The following THSD4 variants were observed in gnomAD, a reference collection of about 807,000 sequenced individuals.
THSD4 encodes the protein thrombospondin type 1 domain containing 4.
Under a neutral mutation model 119.0 loss-of-function variants are expected in THSD4, and 69 were observed. That is an observed-to-expected ratio of 0.58 (90% CI 0.48 to 0.71). The LOEUF is 0.71. Among genes scored for constraint, THSD4 ranks in the 30% least tolerant of loss-of-function variants. THSD4 has a pLI of 0.00. For missense variants in THSD4, 1,393 were observed against 1,391.1 expected (o/e 1.00, Z -0.02); for synonymous variants, 524 against 540.4 (o/e 0.97, Z 0.42).
chr15:71,771,041 GT>G, intron 16 of THSD4, 22 bp from the exon 17 acceptor site: 1 of 1,610,198 alleles, frequency 6.2e-7, no homozygotes, highest in African/African-American at 1.3e-5. Context: ...AAAATCTGAT[GT>G]TTTCCCTTTG....
intron 1 of THSD4, among the ~76,000 whole-genome samples, chr15:71,103,404 A>G (rs534203706): frequency 1.3e-5 from 2 of 152,168 alleles, no homozygotes; most frequent in East Asian, 3.9e-4. Context: ...TGAGCCCAGG[A>G]GCTAAAACAT....
At chr15:71,741,617 G>A (rs1162241406) in intron 11 of THSD4, among the ~76,000 whole-genome samples, 3 of 152,014 alleles carry the variant, frequency 2.0e-5, no homozygotes, top group Non-Finnish European at 4.4e-5. Context: ...AAGAGTGTGA[G>A]GTATGGGACT....
chr15:71,292,119 G>A (rs922039569), intron 6 of THSD4, among the ~76,000 whole-genome samples: 2 of 152,224 alleles, frequency 1.3e-5, no homozygotes, highest in African/African-American at 4.8e-5. Context: ...GTTTCTTAGA[G>A]TTCTGAAGGT....
At chr15:71,370,064 T>G (rs2046022555) in intron 6 of THSD4, among the ~76,000 whole-genome samples, 1 of 151,942 alleles carries the variant, frequency 6.6e-6, no homozygotes, top group Non-Finnish European at 1.5e-5. Context: ...CTAGTTTTTT[T>G]GTGTAGAGGT....
intron 6 of THSD4, among the ~76,000 whole-genome samples, chr15:71,361,398 C>A (rs1329452513): frequency 6.6e-6 from 1 of 152,182 alleles, no homozygotes; most frequent in Non-Finnish European, 1.5e-5. Context: ...CAAATACACA[C>A]AACTGAACTG....
At chr15:71,652,163 A>G (rs141116343) in intron 7 of THSD4, among the ~76,000 whole-genome samples, 5 of 152,262 alleles carry the variant, frequency 3.3e-5, no homozygotes, top group Non-Finnish European at 7.4e-5. Flanking sequence ...GGGTGTAGGC[A>G]GTGTCTCTCT....
At chr15:71,321,576 A>G (rs2045269457) in intron 6 of THSD4, among the ~76,000 whole-genome samples, 2 of 152,186 alleles carry the variant, frequency 1.3e-5, no homozygotes, top group Non-Finnish European at 2.9e-5. Flanking sequence ...CTTCTCTTTT[A>G]AAACATAAGG....
chr15:71,734,329 G>A (rs552631025), intron 10 of THSD4, among the ~76,000 whole-genome samples: 85 of 152,132 alleles, frequency 5.6e-4, no homozygotes, highest in Middle Eastern at 3.2e-3. Flanking sequence ...AAATAAATGA[G>A]CCATCACGTC....
chr15:71,172,713 A>G (rs1481591987), intron 3 of THSD4, among the ~76,000 whole-genome samples: 2 of 116,522 alleles, frequency 1.7e-5, no homozygotes, highest in African/African-American at 4.0e-5. Flanking sequence ...ATATATATAT[A>G]TATATATATA....
intron 1 of THSD4, among the ~76,000 whole-genome samples, chr15:71,101,992 C>T (rs2040255722): frequency 6.6e-6 from 1 of 152,108 alleles, no homozygotes; most frequent in African/African-American, 2.4e-5. Context: ...GGATTACAGG[C>T]ATGAGCCACT....
intron 6 of THSD4, among the ~76,000 whole-genome samples, chr15:71,392,117 T>A (rs1455443605): frequency 1.3e-5 from 2 of 152,174 alleles, no homozygotes; most frequent in Non-Finnish European, 2.9e-5. Context: ...ATTTACTACT[T>A]AAGAGCAAGA....
chr15:71,282,364 C>T (rs1214401285), intron 6 of THSD4, among the ~76,000 whole-genome samples: 3 of 151,934 alleles, frequency 2.0e-5, no homozygotes, highest in African/African-American at 4.8e-5. Context: ...CCCTGTCCAG[C>T]TGTACCATAA....
intron 6 of THSD4, among the ~76,000 whole-genome samples, chr15:71,326,626 A>G (rs1397896126): frequency 7.6e-6 from 1 of 131,668 alleles, no homozygotes; most frequent in Non-Finnish European, 1.6e-5. Context: ...GTGAGCCGAG[A>G]TCACGCCACT....
At chr15:71,467,205 A>C (rs1361098520) in intron 7 of THSD4, among the ~76,000 whole-genome samples, 6 of 152,222 alleles carry the variant, frequency 3.9e-5, no homozygotes, top group Non-Finnish European at 7.3e-5. Flanking sequence ...TGAATTGACT[A>C]ACTTTACTAA....
chr15:71,650,074 C>T (rs2140978789), intron 7 of THSD4, among the ~76,000 whole-genome samples: 1 of 152,300 alleles, frequency 6.6e-6, no homozygotes, highest in South Asian at 2.1e-4. Flanking sequence ...GAGCAAGAGT[C>T]AGCAAGTTAT....
At chr15:71,146,443 GTT>G (rs569407021) in intron 2 of THSD4, among the ~76,000 whole-genome samples, 100 of 134,526 alleles carry the variant, frequency 7.4e-4, no homozygotes, top group African/African-American at 1.5e-3. Context: ...TTTGCCAGTA[GTT>G]TTTTTTTTTT....
chr15:71,708,133 A>C (rs947434085), intron 8 of THSD4, among the ~76,000 whole-genome samples: 1 of 152,250 alleles, frequency 6.6e-6, no homozygotes, highest in Non-Finnish European at 1.5e-5. Context: ...CACTGGACAC[A>C]GGACAAAAAC....
At chr15:71,367,080 A>G (rs560037789) in intron 6 of THSD4, among the ~76,000 whole-genome samples, 1 of 152,282 alleles carries the variant, frequency 6.6e-6, no homozygotes, top group South Asian at 2.1e-4. Context: ...AAATGTTTGT[A>G]TAGCGGTCCT....
chr15:71,408,745 G>A lies in THSD4; in HGVS notation c.1016-2942G>A, dbSNP rs147092633. 3.3e-3 allele frequency among the ~76,000 whole-genome samples: 500 copies of A among 152,116 alleles called. 2 individuals carry two copies. The highest frequency in any genetic ancestry group is 0.012 in the African/African-American group (481 of 41,522). On this transcript the variant is annotated intron_variant, in intron 6 of 17. Transcript: ENST00000261862. ...TGCATACCTGTAGTCCCAGCTACTCGGGAGGCTGAGATGGGATGACGGCTT... is the reference window on the plus strand; with the variant it reads ...TGCATACCTGTAGTCCCAGCTACTCAGGAGGCTGAGATGGGATGACGGCTT...
Sources: gnomAD v4.1 joint callset for allele counts (sites outside exome capture counted in the v4.1 genomes callset) on GRCh38, gnomAD v4.1.1 for gene constraint, MANE v1.5 for transcripts, NCBI Gene and HGNC (gene_info 2026-07-23, HGNC 2026-07-21) for gene names.